TBC1D22A: variants seen among roughly 807,000 people sequenced by gnomAD.
The protein encoded by TBC1D22A is putative GTPase activator.
Under a neutral mutation model 60.2 loss-of-function variants are expected in TBC1D22A, and 38 were observed. The observed-to-expected ratio is 0.63, with a 90% CI of 0.49 to 0.83. TBC1D22A has a LOEUF of 0.83. Ranked by LOEUF, TBC1D22A falls within the 40% of genes least tolerant of loss-of-function variation. TBC1D22A has a pLI of 0.00. For synonymous variants in TBC1D22A, 302 were observed against 281.7 expected (o/e 1.07, Z -0.72); for missense variants, 628 against 701.0 (o/e 0.90, Z 1.18).
intron 7 of TBC1D22A, among the ~76,000 whole-genome samples, chr22:46,904,420 C>T (rs191011933): frequency 6.2e-4 from 94 of 152,122 alleles, no homozygotes; most frequent in Admixed American, 6.1e-3. Flanking sequence ...CGAGTGTGCT[C>T]TCAGCCGCGA....
chr22:46,832,152 C>A (rs776537236), intron 4 of TBC1D22A, among the ~76,000 whole-genome samples: 9 of 152,150 alleles, frequency 5.9e-5, no homozygotes, highest in Non-Finnish European at 1.5e-5. Context: ...CTGATTTTGC[C>A]CTTGTATCTG....
chr22:46,834,858 C>T (rs546641324), intron 4 of TBC1D22A, among the ~76,000 whole-genome samples: 2 of 152,314 alleles, frequency 1.3e-5, no homozygotes, highest in African/African-American at 4.8e-5. Flanking sequence ...GTAGACAGCA[C>T]GTGAGCCTCT....
At chr22:46,969,726 G>T (rs1030974440) in intron 8 of TBC1D22A, among the ~76,000 whole-genome samples, 2 of 152,258 alleles carry the variant, frequency 1.3e-5, no homozygotes, top group Admixed American at 6.5e-5. Context: ...GCTCTTTGGG[G>T]TCAGGACTGA....
chr22:46,841,073 T>TGTGTGTGTGTGTGAGA (rs35099198), intron 4 of TBC1D22A, among the ~76,000 whole-genome samples: 3 of 148,568 alleles, frequency 2.0e-5, no homozygotes, highest in African/African-American at 5.0e-5. Context: ...TGTGTGTGTG[T>TGTGTGTGTGTGTGAGA]GAGAGAGAGA....
intron 10 of TBC1D22A, among the ~76,000 whole-genome samples, chr22:47,019,391 A>T (rs1355745995): frequency 6.6e-6 from 1 of 152,248 alleles, no homozygotes; most frequent in Admixed American, 6.5e-5. Context: ...CTCTTCTCTG[A>T]TGAGATGGCA....
intron 12 of TBC1D22A, among the ~76,000 whole-genome samples, chr22:47,121,917 T>C (rs1175341481): frequency 2.6e-5 from 4 of 151,682 alleles, no homozygotes; most frequent in African/African-American, 9.7e-5. Context: ...CCCTCGGGTG[T>C]CCTGCCGTGC....
chr22:46,767,728 C>T (rs181463880), intron 1 of TBC1D22A, among the ~76,000 whole-genome samples: 9 of 152,118 alleles, frequency 5.9e-5, no homozygotes, highest in East Asian at 3.9e-4. Flanking sequence ...AAGATTTGCA[C>T]GAGGTGAGGG....
intron 8 of TBC1D22A, among the ~76,000 whole-genome samples, chr22:46,971,055 C>G (rs1016927682): frequency 1.3e-5 from 2 of 152,204 alleles, no homozygotes; most frequent in African/African-American, 4.8e-5. Context: ...CTCATTCTAA[C>G]AATAAGGGTA....
chr22:46,779,810 A>G (rs1046817714), intron 1 of TBC1D22A, among the ~76,000 whole-genome samples: 3 of 152,200 alleles, frequency 2.0e-5, no homozygotes, highest in Admixed American at 2.0e-4. Flanking sequence ...CAGAAGCAGC[A>G]CCACATAGCT....
At chr22:47,108,911 G>A (rs2065740648) in intron 11 of TBC1D22A, among the ~76,000 whole-genome samples, 1 of 152,160 alleles carries the variant, frequency 6.6e-6, no homozygotes, top group Non-Finnish European at 1.5e-5. Context: ...TAGCCAGGAT[G>A]GTCTTGATCT....
chr22:46,971,527 T>C (rs1228534800), intron 8 of TBC1D22A, among the ~76,000 whole-genome samples: 1 of 152,100 alleles, frequency 6.6e-6, no homozygotes, highest in Admixed American at 6.5e-5. Flanking sequence ...GAACGTTGAG[T>C]TGATTCTGCC....
chr22:46,936,841 C>G (rs1407081789), intron 8 of TBC1D22A, among the ~76,000 whole-genome samples: 2 of 152,158 alleles, frequency 1.3e-5, no homozygotes, highest in Non-Finnish European at 2.9e-5. Flanking sequence ...GTTTTTAACT[C>G]AAAGTAAAAA....
At chr22:46,880,009 A>C (rs1400453632) in intron 5 of TBC1D22A, among the ~76,000 whole-genome samples, 1 of 152,154 alleles carries the variant, frequency 6.6e-6, no homozygotes, top group Non-Finnish European at 1.5e-5. Context: ...AGGTGGGTGT[A>C]GGTGGAGTCT....
rs1040254001 is a variant in TBC1D22A at position 47,119,519 on chromosome 22, C to T, written c.1425+7916C>T. Among the ~76,000 whole-genome samples the T allele has an allele frequency of 2.2e-4, 33 of 146,692 alleles. No homozygotes were observed. In the East Asian group the frequency reaches 4.6e-3, roughly 20 times the overall value. On this transcript the variant is annotated intron_variant, in intron 12 of 12. Coordinates refer to ENST00000337137, the MANE Select transcript of TBC1D22A (RefSeq NM_014346.5). ...GGTAATTTTTTTTTTTTTTTTGAGA[C>T]GAAGTCTCACACTGTCACCCGGGCT...
intron 8 of TBC1D22A, among the ~76,000 whole-genome samples, chr22:46,920,995 T>C (rs1189300287): frequency 6.6e-6 from 1 of 152,124 alleles, no homozygotes. Context: ...GGTCTCGAAC[T>C]CCTGACCTCA....
chr22:46,869,893 G>A (rs939602836), intron 4 of TBC1D22A, among the ~76,000 whole-genome samples: 5 of 152,188 alleles, frequency 3.3e-5, no homozygotes, highest in African/African-American at 1.2e-4. Context: ...TTATAATTAG[G>A]AGTTCTTTGC....
chr22:46,838,023 G>A lies in TBC1D22A; in HGVS notation c.637+40403G>A, dbSNP rs192114448. ...TGCAGTGAGCCAAGATTGCGCCACTGCACTCTAGCCTGGGAGATAGAGTGA... is the reference window on the plus strand; with the variant it reads ...TGCAGTGAGCCAAGATTGCGCCACTACACTCTAGCCTGGGAGATAGAGTGA... On this transcript the variant is annotated intron_variant, in intron 4 of 12. Coordinates refer to ENST00000337137, the MANE Select transcript of TBC1D22A (RefSeq NM_014346.5). Among the ~76,000 whole-genome samples, 317 of 152,320 alleles carry A rather than the reference G, an allele frequency of 2.1e-3. 1 individual carries two copies. Among genetic ancestry groups the A allele is most frequent in the African/African-American group, 7.4e-3 (306 of 41,566 alleles).
intron 11 of TBC1D22A, among the ~76,000 whole-genome samples, chr22:47,110,630 TCTC>T (rs2065812400): frequency 6.6e-6 from 1 of 152,230 alleles, no homozygotes; most frequent in African/African-American, 2.4e-5. Flanking sequence ...TGCCTTGTTT[TCTC>T]CATAGCACAT....
intron 3 of TBC1D22A, among the ~76,000 whole-genome samples, chr22:46,794,752 G>A (rs1258239242): frequency 6.6e-6 from 1 of 152,218 alleles, no homozygotes; most frequent in Non-Finnish European, 1.5e-5. Flanking sequence ...GCAGTGGGGA[G>A]CAGGTGTCAT....
Sources: allele counts gnomAD v4.1 joint callset (sites outside exome capture counted in the v4.1 genomes callset), GRCh38; gene constraint gnomAD v4.1.1; transcripts MANE v1.5; gene names NCBI Gene and HGNC (gene_info 2026-07-23, HGNC 2026-07-21).